Variants in PIP4P1 observed in about 807,000 individuals in gnomAD.
PIP4P1 encodes type 1 phosphatidylinositol 4,5-bisphosphate 4-phosphatase.
PIP4P1 carries 14 observed loss-of-function variants against 32.3 expected under a neutral mutation model. The ratio of observed to expected loss-of-function variants is 0.43; its 90% CI spans 0.29 to 0.68. The LOEUF (loss-of-function observed/expected upper bound fraction) is 0.68, where lower values mean the gene tolerates loss of function less well. Among genes scored for constraint, PIP4P1 ranks in the 30% least tolerant of loss-of-function variants. PIP4P1 has a pLI of 0.15. For missense variants in PIP4P1, 289 were observed against 364.5 expected, an observed-to-expected ratio of 0.79 and a Z score of 1.69; for synonymous variants, 132 against 137.9, an observed-to-expected ratio of 0.96 and a Z score of 0.30.
chr14:20,460,116 C>T (rs1881645140), intron 3 of PIP4P1, 76 bp downstream of exon 3: 1 of 1,118,194 alleles, frequency 8.9e-7, no homozygotes, highest in South Asian at 1.2e-5. Flanking sequence ...CTCACCTTTA[C>T]ATTCTCTGTA....
rs1214168046 is a variant in PIP4P1, at chr14:20,460,160, A to C, written c.440+32T>G. The C allele has an allele frequency of 2.0e-6, 3 of 1,534,974 alleles. 1 individual carries two copies. The Admixed American group carries it at 5.0e-5, about 26-fold the overall frequency. ...TCCTTTTTTGACTTTCCAGTTCCCC[A>C]CTTAGGCCCTTCCCCACCTTATGCC... On this transcript the variant is annotated intron_variant, in intron 3 of 6. Transcript: ENST00000250489.
Position 20,458,187 on chromosome 14 carries a change from G to A in PIP4P1, c.*372C>T, listed in dbSNP as rs1881522033. Reference sequence around the variant, plus strand: ...CAAAGTCCTAATGGTGCACAAGAGGGAGGGGAACCCCCAGGGCTACCCACC... The same window carrying A: ...CAAAGTCCTAATGGTGCACAAGAGGAAGGGGAACCCCCAGGGCTACCCACC... On this transcript the variant is annotated 3_prime_UTR_variant, in exon 7 of 7. Coordinates refer to ENST00000250489, the MANE Select transcript of PIP4P1 (RefSeq NM_144568.4). 1 of 432,530 alleles carries A rather than the reference G, an allele frequency of 2.3e-6. No individual in the cohort carries two copies. The highest frequency in any genetic ancestry group is 1.8e-5 in the South Asian group (1 of 56,326). The allele number at this position is 432,530 out of a possible 1,614,324, so 26.8% of individuals were successfully genotyped here.
rs529437043 is a variant in PIP4P1 at position 20,457,791 on chromosome 14, C to T, written c.*768G>A. On this transcript the variant is annotated 3_prime_UTR_variant, in exon 7 of 7. Transcript: ENST00000250489. Reference sequence around the variant, plus strand: ...CAGCCTTGCTGTCTTCGTGTCTTACCCCTTCGTGGGGCTACACATTCTCTT... The same window carrying T: ...CAGCCTTGCTGTCTTCGTGTCTTACTCCTTCGTGGGGCTACACATTCTCTT... The T allele has an allele frequency of 2.1e-6, 1 of 481,678 alleles. No homozygotes were observed. Among genetic ancestry groups the T allele is most frequent in the Admixed American group, 3.3e-5 (1 of 30,170 alleles). The allele number at this position is 481,678 out of a possible 1,614,324, so 29.8% of individuals were successfully genotyped here. A position where few individuals can be genotyped will look rare whatever the true frequency, so the allele number is the denominator to read the frequency against.
intron 6 of PIP4P1, 168 bp downstream of exon 6, chr14:20,459,037 AT>A (rs1881587016): frequency 1.5e-6 from 1 of 688,660 alleles, no homozygotes; most frequent in Non-Finnish European, 2.4e-6. Flanking sequence ...TGTAGTAGTA[AT>A]AAAGTCTGTT....
In PIP4P1 at chr14:20,459,281, G is replaced by A; in HGVS notation, c.615C>T (p.Arg205=). The change falls in exon 6 of 7, where the codon CGC becomes CGT. Residue 205 remains arginine, a synonymous_variant. Transcript: ENST00000250489. The part of the protein sequence containing the change: ...PHCRKVSSIG[R]RYPRKRCICC... ...AGATACATCTCTTACGTGGGTATCT[G>A]CGCCCAATAGATGACCTGTGGGGAG... The A allele has an allele frequency of 6.2e-7, 1 of 1,614,234 alleles. No homozygotes were observed. Among genetic ancestry groups the A allele is most frequent in the Non-Finnish European group, 8.5e-7 (1 of 1,180,038 alleles).
In PIP4P1 at chr14:20,457,703, T is replaced by C. The variant is rs987929416; in HGVS notation, c.*856A>G. ...GGGTTTTTTGTTTTTTAAAAAAAAA[T>C]TGAACAAAGACTACTAATGACTTTG... is the stretch of plus-strand genomic sequence containing the variant. On this transcript the variant is annotated 3_prime_UTR_variant, in exon 7 of 7. Coordinates refer to ENST00000250489, the MANE Select transcript of PIP4P1 (RefSeq NM_144568.4). 19 of 712,748 alleles carry C rather than the reference T, an allele frequency of 2.7e-5. No individual in the cohort carries two copies. Among genetic ancestry groups the C allele is most frequent in the Middle Eastern group, 3.7e-4 (1 of 2,712 alleles). 44.2% of individuals were successfully genotyped at this position (712,748 alleles called of 1,614,324 possible).
At position 20,460,446 on chromosome 14, in the gene PIP4P1, G is replaced by C. The variant is rs548269253; in HGVS notation, c.334-148C>G. The C allele has an allele frequency of 9.3e-6, 7 of 749,954 alleles. No homozygotes were observed. In the African/African-American group the frequency reaches 1.1e-4, roughly 11 times the overall value. The allele number at this position is 749,954 out of a possible 1,614,324, so 46.5% of individuals were successfully genotyped here. ...GACTATATCATGAGATTTGCAAATA[G>C]GAACTAGGCTAGGTGTAAAAGTGAG... On this transcript the variant is annotated intron_variant, in intron 2 of 6. Coordinates refer to ENST00000250489, the MANE Select transcript of PIP4P1 (RefSeq NM_144568.4).
In PIP4P1 at chr14:20,460,266, A is replaced by G. The variant is rs200455244; in HGVS notation, c.366T>C (p.Tyr122=). ...GGAGACAGTTACAGGGGCATCGAAC[A>G]TATTTTTTCCCTGGGGGTGCATTCT... ...PIKNAPPGKK[Y]VRCPCNCLLI... The change falls in exon 3 of 7, where the codon TAT becomes TAC. Residue 122 remains tyrosine, a synonymous_variant. Coordinates refer to ENST00000250489, the MANE Select transcript of PIP4P1 (RefSeq NM_144568.4). 4.8e-5 allele frequency: 78 copies of G among 1,613,990 alleles called. No homozygotes were observed. The highest frequency in any genetic ancestry group is 5.3e-5 in the Non-Finnish European group (62 of 1,179,998).
intron 4 of PIP4P1, 69 bp downstream of exon 4, chr14:20,459,559 C>T: frequency 1.9e-6 from 3 of 1,572,598 alleles, no homozygotes; most frequent in Admixed American, 1.7e-5. Flanking sequence ...ATTACCATTA[C>T]TCTAAGAAAT....
In PIP4P1 at chr14:20,460,689, T is replaced by C; in HGVS notation, c.299A>G (p.His100Arg). 1.2e-6 allele frequency: 2 copies of C among 1,614,050 alleles called. No individual in the cohort carries two copies. Among genetic ancestry groups the C allele is most frequent in the South Asian group, 1.1e-5 (1 of 91,076 alleles). ...LINVEGKMHQHVVKCGVCNEA... is the reference protein window; with the variant it reads ...LINVEGKMHQRVVKCGVCNEA... ...ATTGCAGACACCACATTTGACTACA[T>C]GCTGATGCATCTTGCCTTCCACGTT... The change falls in exon 2 of 7, where the codon CAT (histidine) becomes CGT (arginine). Residue 100 changes from histidine to arginine, a missense_variant. His to Arg is a conservative substitution (Grantham distance 29). Around this residue, in one of 2 missense-constraint regions of PIP4P1, gnomAD observed 181 missense variants for 263.3 expected, o/e 0.69. Coordinates refer to ENST00000250489, the MANE Select transcript of PIP4P1 (RefSeq NM_144568.4).
Position 20,461,390 on chromosome 14 carries a change from AGCCACCGCCACCGCCGCCACC to A in PIP4P1, c.-86_-66del, listed in dbSNP as rs934194786. ...CTCCCTTCGCCTCTGCCGTCGCCGC[AGCCACCGCCACCGCCGCCACC>A]GCCACCGCCGCTACCGGGTCCCCAG... On this transcript the variant is annotated 5_prime_UTR_variant, in exon 1 of 7. Coordinates refer to ENST00000250489, the MANE Select transcript of PIP4P1 (RefSeq NM_144568.4). The A allele has an allele frequency of 1.5e-5, 18 of 1,233,590 alleles. No homozygotes were observed. The African/African-American group carries it at 2.3e-4, about 16-fold the overall frequency. 76.4% of individuals were successfully genotyped at this position (1,233,590 alleles called of 1,614,324 possible). A position where few individuals can be genotyped will look rare whatever the true frequency, so the allele number is the denominator to read the frequency against.
Position 20,459,203 on chromosome 14 carries a change from C to T in PIP4P1, c.690+3G>A, listed in dbSNP as rs1387632689. ...TGAAAGAGGTTGGGGCAAGGGTACT[C>T]ACGGCAAGGCCAGTGGCAGTGACTG... On this transcript the variant is annotated splice_donor_region_variant and intron_variant, in intron 6 of 6. Coordinates refer to ENST00000250489, the MANE Select transcript of PIP4P1 (RefSeq NM_144568.4). The T allele has an allele frequency of 1.2e-6, 2 of 1,613,768 alleles. No individual in the cohort carries two copies. The highest frequency in any genetic ancestry group is 1.3e-5 in the African/African-American group (1 of 74,904).
chr14:20,458,807 G>T, intron 6 of PIP4P1, 105 bp from the exon 7 acceptor site: 1 of 1,430,902 alleles, frequency 7.0e-7, no homozygotes, highest in East Asian at 2.3e-5. Flanking sequence ...TTCAGTCCTT[G>T]TTCCTTATCC....
Position 20,461,402 on chromosome 14 carries a change from C to T in PIP4P1, c.-77G>A, listed in dbSNP as rs1402260205. 31 of 1,219,730 alleles carry T rather than the reference C, an allele frequency of 2.5e-5. No individual in the cohort carries two copies. The Admixed American group carries it at 1.1e-3, about 45-fold the overall frequency. 75.6% of individuals were successfully genotyped at this position (1,219,730 alleles called of 1,614,324 possible). A position where few individuals can be genotyped will look rare whatever the true frequency, so the allele number is the denominator to read the frequency against. ...CTGCCGTCGCCGCAGCCACCGCCAC[C>T]GCCGCCACCGCCACCGCCGCTACCG... On this transcript the variant is annotated 5_prime_UTR_variant, in exon 1 of 7. Transcript: ENST00000250489.
At chr14:20,461,007 G>T in intron 1 of PIP4P1, 162 bp from the exon 2 acceptor site, 1 of 1,245,560 alleles carries the variant, frequency 8.0e-7, no homozygotes, top group Non-Finnish European at 1.0e-6. Flanking sequence ...TCCGTCCCTA[G>T]GCTGTGGTCG....
At chr14:20,460,566 C>T (rs922378510) in intron 2 of PIP4P1, 89 bp downstream of exon 2, 141 of 1,410,648 alleles carry the variant, frequency 1.0e-4, no homozygotes, top group Admixed American at 8.3e-4. Flanking sequence ...AAGCACTTGG[C>T]TAATAGCCGG....
chr14:20,459,619 C>CT lies in PIP4P1; in HGVS notation c.546+8dup, dbSNP rs530130620. The CT allele has an allele frequency of 1.5e-4, 247 of 1,612,450 alleles. 1 individual carries two copies. In the South Asian group the frequency reaches 2.6e-3, roughly 17 times the overall value. On this transcript the variant is annotated intron_variant, in intron 4 of 6. Transcript: ENST00000250489. ...CTTTCCCCTCCCCTTCCCAATACCC[C>CT]TTCCTCACCAGAAAAGTATTCTTGC...
rs1018654753 is a variant in PIP4P1 at position 20,458,476 on chromosome 14, G to C, written c.*83C>G. The C allele has an allele frequency of 6.3e-7, 1 of 1,593,924 alleles. No homozygotes were observed. The highest frequency in any genetic ancestry group is 2.2e-5 in the East Asian group (1 of 44,626). Reference sequence around the variant, plus strand: ...CTTGGCTTCCTTCTAGAAGCCCCGGGAGCCTTTAACTACCCCAGCTCCCTT... The same window carrying C: ...CTTGGCTTCCTTCTAGAAGCCCCGGCAGCCTTTAACTACCCCAGCTCCCTT... On this transcript the variant is annotated 3_prime_UTR_variant, in exon 7 of 7. Coordinates refer to ENST00000250489, the MANE Select transcript of PIP4P1 (RefSeq NM_144568.4).
intron 6 of PIP4P1, 75 bp from the exon 7 acceptor site, chr14:20,458,777 A>T: frequency 6.5e-7 from 1 of 1,534,170 alleles, no homozygotes; most frequent in South Asian, 1.3e-5. Context: ...ATTAGTTCTA[A>T]GAACAGTAAT....
Sources: allele counts gnomAD v4.1 joint callset, GRCh38; gene constraint gnomAD v4.1.1; regional missense constraint gnomAD v4.1.1; transcripts MANE v1.5; gene names NCBI Gene and HGNC (gene_info 2026-07-23, HGNC 2026-07-21).